The following CUL2 variants were observed in gnomAD, a reference collection of about 807,000 sequenced individuals.
CUL2 encodes cullin 2.
A neutral mutation model predicts 110.2 loss-of-function variants in CUL2; 22 were observed. That is an observed-to-expected ratio of 0.20 (90% CI 0.14 to 0.28). The LOEUF is 0.28. CUL2 is among the 10% of genes least tolerant of loss of function. CUL2 has a pLI of 1.00. For missense variants in CUL2, 631 were observed against 905.5 expected (o/e 0.70, Z 3.89); for synonymous variants, 279 against 293.2 (o/e 0.95, Z 0.49).
intron 6 of CUL2, among the ~76,000 whole-genome samples, chr10:35,046,812 G>A (rs1483118518): frequency 1.3e-5 from 2 of 152,222 alleles, no homozygotes; most frequent in East Asian, 3.9e-4. Flanking sequence ...AAATTGGCTT[G>A]AACCTGGGAG....
chr10:35,100,119 T>A (rs2087357461), intron 2 of CUL2, among the ~76,000 whole-genome samples: 2 of 151,894 alleles, frequency 1.3e-5, no homozygotes, highest in African/African-American at 4.8e-5. Flanking sequence ...TACAGTCATT[T>A]AATATTTAAT....
intron 17 of CUL2, among the ~76,000 whole-genome samples, chr10:35,017,094 C>T (rs924324763): frequency 6.6e-6 from 1 of 152,064 alleles, no homozygotes; most frequent in South Asian, 2.1e-4. Flanking sequence ...CAAGTGCTGT[C>T]GATAGCTGGG....
At chr10:35,040,476 T>G (rs1469317271) in intron 8 of CUL2, among the ~76,000 whole-genome samples, 1 of 152,038 alleles carries the variant, frequency 6.6e-6, no homozygotes, top group East Asian at 1.9e-4. Context: ...CTTTGGAGAG[T>G]GCTGCTGAGT....
chr10:35,021,922 G>GA (rs2085211067), intron 17 of CUL2, among the ~76,000 whole-genome samples: 1 of 149,710 alleles, frequency 6.7e-6, no homozygotes, highest in South Asian at 2.2e-4. Context: ...GAAGTGGGGC[G>GA]AGGGGGCACC....
At chr10:35,086,145 G>C (rs1481723483) in intron 1 of CUL2, among the ~76,000 whole-genome samples, 2 of 151,878 alleles carry the variant, frequency 1.3e-5, no homozygotes, top group East Asian at 3.9e-4. Context: ...GCTGCAGTGG[G>C]CTGAGATTGA....
chr10:35,124,169 G>A (rs993271489), intron 1 of CUL2, among the ~76,000 whole-genome samples: 1 of 152,168 alleles, frequency 6.6e-6, no homozygotes, highest in Non-Finnish European at 1.5e-5. Flanking sequence ...GTGACAGAGC[G>A]AGACTCTGCC....
At chr10:35,104,323 G>C (rs2087426422) in intron 1 of CUL2, among the ~76,000 whole-genome samples, 1 of 152,162 alleles carries the variant, frequency 6.6e-6, no homozygotes, top group Non-Finnish European at 1.5e-5. Flanking sequence ...TAGTGCATTT[G>C]TAGTCTTAGT....
At chr10:35,021,460 TACAC>T (rs562193794) in intron 17 of CUL2, among the ~76,000 whole-genome samples, 2 of 140,658 alleles carry the variant, frequency 1.4e-5, no homozygotes, top group Non-Finnish European at 3.0e-5. Context: ...CACACATACA[TACAC>T]ACACACAAAT....
intron 1 of CUL2, among the ~76,000 whole-genome samples, chr10:35,112,458 A>C (rs975235291): frequency 3.3e-5 from 5 of 152,234 alleles, no homozygotes; most frequent in Non-Finnish European, 7.3e-5. Flanking sequence ...ACCCAGACAG[A>C]GCATGGCTCT....
At chr10:35,094,589 ACTCATGAAAT>A (rs532462370), upstream of CUL2, among the ~76,000 whole-genome samples, 37 of 152,226 alleles carry the variant, frequency 2.4e-4, 1 homozygote, top group South Asian at 6.6e-3. Flanking sequence ...CACTGCTCTA[ACTCATGAAAT>A]TCCTTCACTC....
chr10:35,107,936 C>T (rs1201644717), intron 1 of CUL2, among the ~76,000 whole-genome samples: 1 of 146,750 alleles, frequency 6.8e-6, no homozygotes, highest in East Asian at 2.0e-4. Context: ...CCTACTCTTC[C>T]TAAGTTAATT....
intron 5 of CUL2, among the ~76,000 whole-genome samples, chr10:35,052,841 G>A (rs2086146058): frequency 6.7e-6 from 1 of 150,128 alleles, no homozygotes; most frequent in Non-Finnish European, 1.5e-5. Context: ...CTTGCAGTGA[G>A]CCAAGATCAC....
chr10:35,029,735 C>T, intron 14 of CUL2, 95 bp from the exon 15 acceptor site: 1 of 938,808 alleles, frequency 1.1e-6, no homozygotes, highest in East Asian at 2.8e-5. Flanking sequence ...GGTCTTTGAT[C>T]AAAGGTTCTT....
chr10:35,043,861 G>C (rs1481484470), intron 8 of CUL2, among the ~76,000 whole-genome samples: 2 of 151,958 alleles, frequency 1.3e-5, no homozygotes, highest in Non-Finnish European at 2.9e-5. Context: ...AAGTTGAGGA[G>C]TTCTGAGACC....
Position 35,068,532 on chromosome 10 carries a change from G to C in CUL2, c.119+2667C>G, listed in dbSNP as rs571447383. ...TTAGAGGGTCACGTGTTTCGGGTGG[G>C]GGTTATAGTGAATGTGGACAATGTT... On this transcript the variant is annotated intron_variant, in intron 2 of 20. Transcript: ENST00000374749. 1.2e-3 allele frequency among the ~76,000 whole-genome samples: 177 copies of C among 152,218 alleles called. 2 individuals carry two copies. Among genetic ancestry groups the C allele is most frequent in the Admixed American group, 9.9e-3 (152 of 15,286 alleles).
At chr10:35,027,471 G>A (rs538924402) in intron 16 of CUL2, among the ~76,000 whole-genome samples, 4 of 152,112 alleles carry the variant, frequency 2.6e-5, no homozygotes, top group Non-Finnish European at 4.4e-5. Context: ...TATTATTCAG[G>A]TTTTTGGCCT....
At chr10:35,063,700 T>C (rs1023552757) in intron 2 of CUL2, 1 of 151,220 alleles carries the variant, frequency 6.6e-6, no homozygotes, top group African/African-American at 2.4e-5. Context: ...TACCTTTCAC[T>C]AGCCAGTGAT....
chr10:35,118,042 A>G (rs896163189), intron 1 of CUL2: 50 of 152,308 alleles, frequency 3.3e-4, no homozygotes, highest in African/African-American at 1.2e-3. Context: ...ACATTGACAC[A>G]TCATAATCAT....
intron 1 of CUL2, among the ~76,000 whole-genome samples, chr10:35,087,399 A>T (rs1459182960): frequency 6.6e-6 from 1 of 152,222 alleles, no homozygotes; most frequent in African/African-American, 2.4e-5. Flanking sequence ...CCATGAAGCC[A>T]GAAATTTTTT....
Sources: allele counts gnomAD v4.1 joint callset (sites outside exome capture counted in the v4.1 genomes callset), GRCh38; gene constraint gnomAD v4.1.1; transcripts MANE v1.5; gene names NCBI Gene and HGNC (gene_info 2026-07-23, HGNC 2026-07-21).